The following KCNN3 variants were observed in gnomAD, a reference collection of about 807,000 sequenced individuals.
KCNN3 encodes the protein potassium calcium-activated channel subfamily N member 3.
KCNN3 carries 16 observed loss-of-function variants against 62.9 expected under a neutral mutation model. That is an observed-to-expected ratio of 0.25 (90% CI 0.17 to 0.39). The LOEUF is 0.39. Among genes scored for constraint, KCNN3 ranks in the 10% least tolerant of loss-of-function variants. The pLI, the probability that KCNN3 is intolerant of heterozygous loss-of-function variation, is 1.00. For missense variants in KCNN3, 599 were observed against 949.4 expected (o/e 0.63, Z 4.85); for synonymous variants, 370 against 389.2 (o/e 0.95, Z 0.58).
At chr1:154,718,751 G>T (rs190110069) in intron 5 of KCNN3, among the ~76,000 whole-genome samples, 1 of 152,138 alleles carries the variant, frequency 6.6e-6, no homozygotes, top group Non-Finnish European at 1.5e-5. Flanking sequence ...AACAAAGCAG[G>T]GTCCAGGGCT....
At chr1:154,742,959 G>C (rs1295034303) in intron 3 of KCNN3, among the ~76,000 whole-genome samples, 1 of 152,216 alleles carries the variant, frequency 6.6e-6, no homozygotes, top group Non-Finnish European at 1.5e-5. Context: ...AATCTTCGCT[G>C]TTCTTCTGGG....
chr1:154,751,253 G>A lies in KCNN3; in HGVS notation c.1449-18109C>T, dbSNP rs1647363264. Among the ~76,000 whole-genome samples the A allele has an allele frequency of 2.0e-5, 3 of 152,198 alleles. No homozygotes were observed. The East Asian group carries it at 5.8e-4, about 29-fold the overall frequency. ...ACAATATGAGGATTTGGCTAAAGAAGCTCTAAAGCCCCCTCCAGCTCTAAG... is the reference window on the plus strand; with the variant it reads ...ACAATATGAGGATTTGGCTAAAGAAACTCTAAAGCCCCCTCCAGCTCTAAG... On this transcript the variant is annotated intron_variant, in intron 3 of 7. Transcript: ENST00000271915.
chr1:154,722,057 G>T (rs540186941), intron 5 of KCNN3, among the ~76,000 whole-genome samples: 2 of 152,072 alleles, frequency 1.3e-5, no homozygotes, highest in African/African-American at 4.8e-5. Context: ...AGTGCTATCA[G>T]ACCCTCTTCC....
chr1:154,731,423 G>T (rs1487830577), intron 4 of KCNN3, among the ~76,000 whole-genome samples: 1 of 152,176 alleles, frequency 6.6e-6, no homozygotes, highest in Non-Finnish European at 1.5e-5. Flanking sequence ...GAGTCAGAAA[G>T]GAGGAGAGAG....
intron 1 of KCNN3, among the ~76,000 whole-genome samples, chr1:154,826,363 A>C: frequency 6.6e-6 from 1 of 152,240 alleles, no homozygotes; most frequent in East Asian, 1.9e-4. Flanking sequence ...TCTGTAATAA[A>C]GCACATCTAT....
At chr1:154,722,841 C>T (rs754128414) in intron 5 of KCNN3, among the ~76,000 whole-genome samples, 51 of 151,972 alleles carry the variant, frequency 3.4e-4, no homozygotes, top group Admixed American at 4.6e-4. Flanking sequence ...AAGCGATTCT[C>T]CTGCCTCAGC....
intron 2 of KCNN3, among the ~76,000 whole-genome samples, chr1:154,780,775 A>G (rs1185656060): frequency 3.3e-5 from 5 of 151,978 alleles, no homozygotes; most frequent in East Asian, 1.9e-4. Context: ...GTTTGCAGCA[A>G]TGGTTGGTAA....
At chr1:154,727,972 C>T (rs1700505847) in intron 4 of KCNN3, among the ~76,000 whole-genome samples, 1 of 152,238 alleles carries the variant, frequency 6.6e-6, no homozygotes, top group South Asian at 2.1e-4. Context: ...CCCCAGGTTC[C>T]ATTCTCCCTC....
rs1188334292 is a variant in KCNN3, at chr1:154,705,373, T to A, written c.*2603A>T. The A allele has an allele frequency of 6.6e-6, 1 of 152,242 alleles. No individual in the cohort carries two copies. Among genetic ancestry groups the A allele is most frequent in the Non-Finnish European group, 1.5e-5 (1 of 68,042 alleles). 9.4% of individuals were successfully genotyped at this position (152,242 alleles called of 1,614,324 possible). A position where few individuals can be genotyped will look rare whatever the true frequency, so the allele number is the denominator to read the frequency against. ...TCCATTTGCTATTACAGGATCAATG[T>A]GCAGGTTTGATCACTTTTTTTTTGA... is the stretch of plus-strand genomic sequence containing the variant. On this transcript the variant is annotated 3_prime_UTR_variant, in exon 8 of 8. Transcript: ENST00000271915.
chr1:154,729,328 T>A (rs979107230), intron 4 of KCNN3, among the ~76,000 whole-genome samples: 3 of 152,032 alleles, frequency 2.0e-5, no homozygotes, highest in Non-Finnish European at 4.4e-5. Context: ...TCCAGTTCCA[T>A]GGGGCGAGGG....
chr1:154,733,267 G>T, intron 3 of KCNN3, 123 bp from the exon 4 acceptor site: 1 of 992,540 alleles, frequency 1.0e-6, no homozygotes, highest in South Asian at 1.3e-5. Context: ...CAGTGACGGT[G>T]GCTCACACAG....
intron 2 of KCNN3, among the ~76,000 whole-genome samples, chr1:154,814,832 A>G (rs775394350): frequency 6.6e-6 from 1 of 152,196 alleles, no homozygotes; most frequent in Non-Finnish European, 1.5e-5. Flanking sequence ...CACTGTGCAC[A>G]GCTGGGCCAG....
intron 3 of KCNN3, among the ~76,000 whole-genome samples, chr1:154,760,533 C>T (rs1647955273): frequency 6.6e-6 from 1 of 152,122 alleles, no homozygotes; most frequent in African/African-American, 2.4e-5. Flanking sequence ...GAAACCTGAA[C>T]GCTCTGCTCC....
intron 2 of KCNN3, among the ~76,000 whole-genome samples, chr1:154,777,337 G>T (rs938946976): frequency 2.0e-5 from 3 of 152,186 alleles, no homozygotes; most frequent in Non-Finnish European, 4.4e-5. Context: ...CTGGCACAGA[G>T]TGGGCAGTCA....
In KCNN3 at chr1:154,700,060, T is replaced by A. The variant is rs1447657611; in HGVS notation, c.*7916A>T. The A allele has an allele frequency of 6.6e-6, 1 of 152,228 alleles. No individual in the cohort carries two copies. Among genetic ancestry groups the A allele is most frequent in the Non-Finnish European group, 1.5e-5 (1 of 68,050 alleles). 9.4% of individuals were successfully genotyped at this position (152,228 alleles called of 1,614,324 possible). On this transcript the variant is annotated 3_prime_UTR_variant, in exon 8 of 8. Coordinates refer to ENST00000271915, the MANE Select transcript of KCNN3 (RefSeq NM_002249.6). Reference sequence around the variant, plus strand: ...ATTTAAAGATGCATTTTTTTAATCCTTATGATCATTCAGGACCTTCACATC... The same window carrying A: ...ATTTAAAGATGCATTTTTTTAATCCATATGATCATTCAGGACCTTCACATC...
intron 3 of KCNN3, among the ~76,000 whole-genome samples, chr1:154,745,559 G>C (rs1409533686): frequency 6.6e-6 from 1 of 152,230 alleles, no homozygotes; most frequent in Non-Finnish European, 1.5e-5. Flanking sequence ...TTTTCTTGGA[G>C]TGTGTTTCTC....
rs576034957 is a variant in KCNN3 at position 154,733,126 on chromosome 1, G to A, written c.1467C>T (p.Asp489=). Residue 489 remains aspartate (D), a synonymous_variant, in exon 4 of 8, where the codon GAC becomes GAT. Transcript: ENST00000271915. Reference sequence around the variant, plus strand: ...TGGCACCCAGAAAGTTACTAGTTACGTCCTGCTGGTCATGGTACCTGCCAA... The same window carrying A: ...TGGCACCCAGAAAGTTACTAGTTACATCCTGCTGGTCATGGTACCTGCCAA... ...RVCERYHDQQ[D]VTSNFLGAMW... The A allele has an allele frequency of 2.8e-5, 45 of 1,614,192 alleles. No homozygotes were observed. The highest frequency in any genetic ancestry group is 2.0e-4 in the Admixed American group (12 of 60,034).
intron 4 of KCNN3, among the ~76,000 whole-genome samples, chr1:154,729,443 G>A (rs1226286634): frequency 2.0e-5 from 3 of 152,014 alleles, no homozygotes; most frequent in African/African-American, 4.8e-5. Context: ...GGGTGAACAC[G>A]CCTAACTCTA....
intron 2 of KCNN3, among the ~76,000 whole-genome samples, chr1:154,820,081 C>T (rs1289351124): frequency 1.3e-5 from 2 of 152,232 alleles, no homozygotes; most frequent in Non-Finnish European, 2.9e-5. Flanking sequence ...TCATCTACTG[C>T]CCATGATTAG....
Sources: allele counts gnomAD v4.1 joint callset (sites outside exome capture counted in the v4.1 genomes callset), GRCh38; gene constraint gnomAD v4.1.1; transcripts MANE v1.5; gene names NCBI Gene and HGNC (gene_info 2026-07-23, HGNC 2026-07-21).